The following SUCLG2 variants were observed in gnomAD, a reference collection of about 807,000 sequenced individuals.
The protein encoded by SUCLG2 is succinate--CoA ligase [GDP-forming] subunit beta, mitochondrial.
Under a neutral mutation model 47.9 loss-of-function variants are expected in SUCLG2, and 42 were observed. The ratio of observed to expected loss-of-function variants is 0.88; its 90% confidence interval spans 0.69 to 1.14. The LOEUF is 1.14. Ranked by LOEUF, SUCLG2 falls within the 50% of genes most tolerant of loss-of-function variation. The probability of loss-of-function intolerance (pLI) is 0.00; values close to 1 mark genes in which losing one functional copy is unlikely to be tolerated. For synonymous variants in SUCLG2, 195 were observed against 197.3 expected, an observed-to-expected ratio of 0.99 and a Z score of 0.10; for missense variants, 571 against 525.9, an observed-to-expected ratio of 1.09 and a Z score of -0.84.
intron 10 of SUCLG2, among the ~76,000 whole-genome samples, chr3:67,391,661 G>C (rs1702386164): frequency 6.6e-6 from 1 of 152,100 alleles, no homozygotes; most frequent in Non-Finnish European, 1.5e-5. Context: ...CAGAATATTA[G>C]AGCCCAAGAT....
chr3:67,513,213 T>C (rs940229792), intron 6 of SUCLG2, among the ~76,000 whole-genome samples: 1 of 152,190 alleles, frequency 6.6e-6, no homozygotes, highest in African/African-American at 2.4e-5. Flanking sequence ...AGTTCCATTA[T>C]AGTATATACC....
intron 9 of SUCLG2, among the ~76,000 whole-genome samples, chr3:67,485,010 G>A (rs957253377): frequency 1.3e-5 from 2 of 152,120 alleles, no homozygotes; most frequent in Non-Finnish European, 2.9e-5. Flanking sequence ...CATTCTTGAC[G>A]CCTCCTAACC....
chr3:67,500,894 T>A (rs1705478317), intron 7 of SUCLG2, among the ~76,000 whole-genome samples: 1 of 152,200 alleles, frequency 6.6e-6, no homozygotes, highest in African/African-American at 2.4e-5. Context: ...AAGACTACAG[T>A]TACAAGCTGC....
At chr3:67,485,902 T>TA (rs1435091213) in intron 9 of SUCLG2, among the ~76,000 whole-genome samples, 1 of 152,232 alleles carries the variant, frequency 6.6e-6, no homozygotes, top group African/African-American at 2.4e-5. Context: ...ATCCTTCCTT[T>TA]AGGGGAACAA....
chr3:67,423,211 T>C (rs1053567189), intron 9 of SUCLG2, among the ~76,000 whole-genome samples: 1 of 152,132 alleles, frequency 6.6e-6, no homozygotes, highest in African/African-American at 2.4e-5. Flanking sequence ...CGAGATCTGA[T>C]GGCTTTGTAA....
At chr3:67,618,600 A>T (rs184666622) in intron 1 of SUCLG2, among the ~76,000 whole-genome samples, 17 of 152,326 alleles carry the variant, frequency 1.1e-4, no homozygotes. Context: ...GCCTAAAAAA[A>T]ACCCATGAGC....
chr3:67,440,471 GC>G (rs1703732969), intron 9 of SUCLG2, among the ~76,000 whole-genome samples: 1 of 152,062 alleles, frequency 6.6e-6, no homozygotes. Flanking sequence ...GAAAATTTTT[GC>G]AATCTACCCA....
intron 9 of SUCLG2, among the ~76,000 whole-genome samples, chr3:67,430,126 C>T (rs1025468474): frequency 6.6e-6 from 1 of 152,178 alleles, no homozygotes; most frequent in African/African-American, 2.4e-5. Flanking sequence ...GAATTCTGCA[C>T]CCCAAATCAA....
intron 1 of SUCLG2, among the ~76,000 whole-genome samples, chr3:67,622,937 A>G (rs1700759722): frequency 6.6e-6 from 1 of 152,178 alleles, no homozygotes; most frequent in Non-Finnish European, 1.5e-5. Context: ...TCATGGAAGA[A>G]GGCGAGGATA....
intron 8 of SUCLG2, 72 bp from the exon 9 acceptor site, chr3:67,496,012 C>A: frequency 6.3e-7 from 1 of 1,578,904 alleles, no homozygotes; most frequent in Non-Finnish European, 8.6e-7. Context: ...CATTTTCCCT[C>A]CCCCATATTG....
chr3:67,587,885 A>T (rs919969566), intron 2 of SUCLG2, among the ~76,000 whole-genome samples: 1 of 152,190 alleles, frequency 6.6e-6, no homozygotes, highest in African/African-American at 2.4e-5. Flanking sequence ...CCCTAAAAAA[A>T]TCCAGAGCTT....
intron 2 of SUCLG2, among the ~76,000 whole-genome samples, chr3:67,594,331 C>T (rs1708245938): frequency 6.6e-6 from 1 of 152,216 alleles, no homozygotes; most frequent in Non-Finnish European, 1.5e-5. Flanking sequence ...GGCTCCAACC[C>T]ATTTGCCAGA....
chr3:67,506,608 C>T (rs73088954), intron 7 of SUCLG2, among the ~76,000 whole-genome samples: 2 of 152,158 alleles, frequency 1.3e-5, no homozygotes, highest in African/African-American at 4.8e-5. Flanking sequence ...GAACACAGCT[C>T]GTGACTGCTT....
At chr3:67,493,216 T>A (rs1020008170) in intron 9 of SUCLG2, among the ~76,000 whole-genome samples, 6 of 152,218 alleles carry the variant, frequency 3.9e-5, no homozygotes, top group African/African-American at 1.4e-4. Flanking sequence ...TAGGTTCTGT[T>A]CTCTAAATTT....
intron 2 of SUCLG2, among the ~76,000 whole-genome samples, chr3:67,606,549 CA>C (rs1700422803): frequency 1.3e-5 from 2 of 152,070 alleles, no homozygotes; most frequent in Non-Finnish European, 2.9e-5. Context: ...GAGTATAAAA[CA>C]AAAATGATCC....
At chr3:67,588,306 A>C (rs904212732) in intron 2 of SUCLG2, among the ~76,000 whole-genome samples, 1 of 152,220 alleles carries the variant, frequency 6.6e-6, no homozygotes, top group Admixed American at 6.6e-5. Context: ...TAAGTTGCTA[A>C]ATGCTCCTAA....
At chr3:67,636,523 T>G (rs1207524755) in intron 1 of SUCLG2, among the ~76,000 whole-genome samples, 1 of 151,946 alleles carries the variant, frequency 6.6e-6, no homozygotes, top group Non-Finnish European at 1.5e-5. Context: ...CGGCTAATTT[T>G]TTGTGTTTTT....
intron 10 of SUCLG2, among the ~76,000 whole-genome samples, chr3:67,381,146 C>T (rs1217037965): frequency 1.3e-5 from 2 of 151,856 alleles, no homozygotes; most frequent in Non-Finnish European, 2.9e-5. Flanking sequence ...CACTGCACTC[C>T]AGCCTGGGCA....
intron 9 of SUCLG2, among the ~76,000 whole-genome samples, chr3:67,457,051 C>A (rs1379098238): frequency 6.6e-6 from 1 of 152,146 alleles, no homozygotes; most frequent in Non-Finnish European, 1.5e-5. Context: ...CATATAATAA[C>A]ATTGTATGAA....
Sources: allele counts gnomAD v4.1 joint callset (sites outside exome capture counted in the v4.1 genomes callset), GRCh38; gene constraint gnomAD v4.1.1; transcripts MANE v1.5; gene names NCBI Gene and HGNC (gene_info 2026-07-23, HGNC 2026-07-21).